Variants in YAP1 observed in about 807,000 individuals in gnomAD.
YAP1 encodes the protein transcriptional coactivator YAP1.
Under a neutral mutation model 56.9 loss-of-function variants are expected in YAP1, and 5 were observed. The ratio of observed to expected loss-of-function variants is 0.09; its 90% confidence interval spans 0.05 to 0.18. The LOEUF (loss-of-function observed/expected upper bound fraction) is 0.18. Among genes scored for constraint, YAP1 ranks in the 10% least tolerant of loss-of-function variants. The pLI, the probability that YAP1 is intolerant of heterozygous loss-of-function variation, is 1.00. For missense variants in YAP1, 539 were observed against 651.8 expected (o/e 0.83, Z 1.88); for synonymous variants, 265 against 248.1 (o/e 1.07, Z -0.64).
intron 3 of YAP1, among the ~76,000 whole-genome samples, chr11:102,178,104 T>A (rs1947370158): frequency 6.6e-6 from 1 of 152,164 alleles, no homozygotes; most frequent in Admixed American, 6.5e-5. Flanking sequence ...CATCGTAGGG[T>A]TGTTAAGTGA....
chr11:102,160,105 C>G (rs2135389780), intron 2 of YAP1, among the ~76,000 whole-genome samples: 1 of 143,230 alleles, frequency 7.0e-6, no homozygotes, highest in African/African-American at 2.6e-5. Flanking sequence ...CTCATCGCAA[C>G]CTCTGCCCCC....
At chr11:102,151,372 T>C (rs1945648594) in intron 2 of YAP1, among the ~76,000 whole-genome samples, 1 of 152,130 alleles carries the variant, frequency 6.6e-6, no homozygotes. Flanking sequence ...TCAAGAATGC[T>C]TCTCCAGTCT....
chr11:102,140,859 ATCTTAATCCCTACGTTC>A (rs1445124799), intron 2 of YAP1, among the ~76,000 whole-genome samples: 1 of 151,992 alleles, frequency 6.6e-6, no homozygotes, highest in East Asian at 1.9e-4. Flanking sequence ...AAAAAAAGAC[ATCTTAATCCCTACGTTC>A]TCTTGGGTTT....
chr11:102,182,167 A>G (rs1327271142), intron 3 of YAP1, among the ~76,000 whole-genome samples: 1 of 152,152 alleles, frequency 6.6e-6, no homozygotes, highest in Non-Finnish European at 1.5e-5. Flanking sequence ...CATCAGCACC[A>G]CCTGGGAATT....
intron 4 of YAP1, among the ~76,000 whole-genome samples, chr11:102,190,474 T>C (rs1315269916): frequency 6.8e-6 from 1 of 148,020 alleles, no homozygotes; most frequent in Non-Finnish European, 1.5e-5. Flanking sequence ...CTACTAAAAA[T>C]AGAAAAAAAT....
At chr11:102,200,513 C>T (rs999411857) in intron 4 of YAP1, among the ~76,000 whole-genome samples, 1 of 150,576 alleles carries the variant, frequency 6.6e-6, no homozygotes, top group Admixed American at 6.6e-5. Flanking sequence ...GATGCAATCT[C>T]AGCGTGCTGC....
chr11:102,154,044 T>TTA (rs2135363217), intron 2 of YAP1, among the ~76,000 whole-genome samples: 1 of 152,268 alleles, frequency 6.6e-6, no homozygotes, highest in East Asian at 1.9e-4. Context: ...ACTGTGACTA[T>TTA]TAGTAACATT....
intron 7 of YAP1, among the ~76,000 whole-genome samples, chr11:102,226,543 C>T (rs1950206692): frequency 2.0e-5 from 3 of 152,172 alleles, no homozygotes; most frequent in Non-Finnish European, 2.9e-5. Context: ...TGATTTTATG[C>T]GTTTCTCTAA....
In YAP1 at chr11:102,114,329, T is replaced by C. The variant is rs200627813; in HGVS notation, c.507T>C (p.Asp169=). The C allele has an allele frequency of 6.2e-7, 1 of 1,614,200 alleles. No homozygotes were observed. Among genetic ancestry groups the C allele is most frequent in the Non-Finnish European group, 8.5e-7 (1 of 1,180,032 alleles). Residue 169 remains aspartate (D), a synonymous_variant, in exon 2 of 9, where the codon GAT becomes GAC. Transcript: ENST00000282441. ...GACAGTCTTCTTTTGAGATACCTGATGATGTACCTCTGCCAGCAGGTTGGG... is the reference window on the plus strand; with the variant it reads ...GACAGTCTTCTTTTGAGATACCTGACGATGTACCTCTGCCAGCAGGTTGGG... ...HLRQSSFEIP[D]DVPLPAGWEM... is the part of the protein sequence containing the mutation.
intron 6 of YAP1, 30 bp downstream of exon 6, chr11:102,209,594 G>GAAAAA: frequency 7.6e-7 from 1 of 1,316,490 alleles, no homozygotes; most frequent in African/African-American, 1.6e-5. Flanking sequence ...TTTAGCACTG[G>GAAAAA]AAAAAAAAAA....
intron 6 of YAP1, among the ~76,000 whole-genome samples, chr11:102,211,059 G>A (rs1949382299): frequency 6.6e-6 from 1 of 152,154 alleles, no homozygotes; most frequent in South Asian, 2.1e-4. Flanking sequence ...CTGGCCTGAA[G>A]TGTTTCTGAA....
intron 3 of YAP1, 97 bp downstream of exon 3, chr11:102,162,668 G>A (rs530679795): frequency 2.6e-6 from 3 of 1,168,022 alleles, no homozygotes; most frequent in East Asian, 2.4e-5. Context: ...CAGAAACTGG[G>A]ACATGGTGAT....
chr11:102,166,447 A>G (rs901627198), intron 3 of YAP1, among the ~76,000 whole-genome samples: 2 of 152,248 alleles, frequency 1.3e-5, no homozygotes, highest in African/African-American at 4.8e-5. Flanking sequence ...AGGTTTCAGT[A>G]AGCAAAAGGA....
chr11:102,204,244 A>G (rs1266525558), intron 4 of YAP1, among the ~76,000 whole-genome samples: 10 of 151,572 alleles, frequency 6.6e-5, no homozygotes, highest in African/African-American at 2.4e-4. Flanking sequence ...AAAAAAAAAA[A>G]GGTGTGCTAA....
intron 2 of YAP1, among the ~76,000 whole-genome samples, chr11:102,152,791 C>T (rs1945736053): frequency 6.6e-6 from 1 of 152,208 alleles, no homozygotes; most frequent in Non-Finnish European, 1.5e-5. Context: ...GTAAGTTGTG[C>T]TGTCCTTGGG....
At chr11:102,200,238 G>A (rs977960639) in intron 4 of YAP1, among the ~76,000 whole-genome samples, 4 of 152,136 alleles carry the variant, frequency 2.6e-5, no homozygotes, top group Non-Finnish European at 4.4e-5. Context: ...TGAGGGGAAA[G>A]ATACACAGTT....
At chr11:102,149,760 C>T (rs1945518859) in intron 2 of YAP1, among the ~76,000 whole-genome samples, 1 of 152,024 alleles carries the variant, frequency 6.6e-6, no homozygotes, top group African/African-American at 2.4e-5. Flanking sequence ...AATTAATTTT[C>T]CTCCTCTTTC....
At chr11:102,157,590 A>G (rs1946028084) in intron 2 of YAP1, among the ~76,000 whole-genome samples, 1 of 152,218 alleles carries the variant, frequency 6.6e-6, no homozygotes, top group South Asian at 2.1e-4. Flanking sequence ...ATTGTTTACT[A>G]AAAGTCAATT....
intron 8 of YAP1, among the ~76,000 whole-genome samples, chr11:102,227,912 A>AT (rs1481845558): frequency 6.6e-6 from 1 of 151,962 alleles, no homozygotes; most frequent in Non-Finnish European, 1.5e-5. Context: ...CTATAAAAAA[A>AT]CATACAAAAA....
Sources: allele counts gnomAD v4.1 joint callset (sites outside exome capture counted in the v4.1 genomes callset), GRCh38; gene constraint gnomAD v4.1.1; transcripts MANE v1.5; gene names NCBI Gene and HGNC (gene_info 2026-07-23, HGNC 2026-07-21).